The following FAM3D variants were observed in gnomAD, a reference collection of about 807,000 sequenced individuals.
FAM3D encodes the protein protein FAM3D.
In FAM3D, 26 loss-of-function variants were observed where a neutral mutation model predicts 29.8. That is an observed-to-expected ratio of 0.87 (90% CI 0.64 to 1.21). The LOEUF is 1.21. FAM3D is among the 50% of genes most tolerant of loss of function. The pLI is 0.00. For synonymous variants in FAM3D, 115 were observed against 102.3 expected (o/e 1.12, Z -0.75); for missense variants, 253 against 290.9 (o/e 0.87, Z 0.95).
chr3:58,641,352 G>A (rs2066327590), intron 6 of FAM3D, among the ~76,000 whole-genome samples: 2 of 152,050 alleles, frequency 1.3e-5, no homozygotes, highest in Non-Finnish European at 2.9e-5. Context: ...TGTGACCTTG[G>A]GCAAGTTGCT....
In FAM3D at chr3:58,634,521, C is replaced by A. The variant is rs1479308161; in HGVS notation, c.586-153G>T. 1.6e-6 allele frequency: 1 copy of A among 627,258 alleles called. No homozygotes were observed. Among genetic ancestry groups the A allele is most frequent in the African/African-American group, 1.9e-5 (1 of 53,262 alleles). The allele number at this position is 627,258 out of a possible 1,614,324, so 38.9% of individuals were successfully genotyped here. On this transcript the variant is annotated intron_variant, in intron 9 of 9. Coordinates refer to ENST00000358781, the MANE Select transcript of FAM3D (RefSeq NM_138805.3). This position sits in a 1 kb window ranked among gnomAD's most constrained non-coding sequence, Gnocchi z 4.6. ...GAAACTGAGGCTCAGAGAGGGGATG[C>A]AACTTGCTCAAGATCTCAGAGATGG...
intron 1 of FAM3D, among the ~76,000 whole-genome samples, chr3:58,659,142 CA>C (rs1158291614): frequency 6.6e-6 from 1 of 152,198 alleles, no homozygotes; most frequent in East Asian, 1.9e-4. Flanking sequence ...GGATGTTGGG[CA>C]GTGAGGCCAC....
chr3:58,642,501 G>C (rs1478084697), intron 6 of FAM3D, among the ~76,000 whole-genome samples: 4 of 152,146 alleles, frequency 2.6e-5, no homozygotes, highest in Non-Finnish European at 4.4e-5. Flanking sequence ...CTTTGTCCCA[G>C]AAGTGGCCCT....
chr3:58,641,134 T>C (rs2066318423), intron 6 of FAM3D, among the ~76,000 whole-genome samples: 1 of 152,232 alleles, frequency 6.6e-6, no homozygotes, highest in Non-Finnish European at 1.5e-5. Flanking sequence ...GCAATCCTTG[T>C]GTTGTTCTTG....
chr3:58,642,738 G>GC (rs973606839), intron 6 of FAM3D, among the ~76,000 whole-genome samples: 3 of 152,098 alleles, frequency 2.0e-5, no homozygotes, highest in African/African-American at 7.2e-5. Flanking sequence ...CCTGCCTCCA[G>GC]CCCCCCTACT....
Position 58,660,847 on chromosome 3 carries a change from A to G in FAM3D, c.-38-5246T>C, listed in dbSNP as rs565933444. ...ACTTGTTTAATCTTACAACAGCTCAATGAAGAAGTAAGGGAAACTGAGGCA... is the reference window on the plus strand; with the variant it reads ...ACTTGTTTAATCTTACAACAGCTCAGTGAAGAAGTAAGGGAAACTGAGGCA... On this transcript the variant is annotated intron_variant, in intron 1 of 9. Transcript: ENST00000358781. Among the ~76,000 whole-genome samples, 9 of 152,320 alleles carry G rather than the reference A, an allele frequency of 5.9e-5. No homozygotes were observed. The East Asian group carries it at 1.5e-3, about 26-fold the overall frequency.
At chr3:58,658,594 C>T (rs772425080) in intron 1 of FAM3D, among the ~76,000 whole-genome samples, 8 of 152,268 alleles carry the variant, frequency 5.3e-5, no homozygotes, top group Non-Finnish European at 8.8e-5. Context: ...GGGAAGCCTT[C>T]CCTGACTCTC....
chr3:58,634,579 G>T lies in FAM3D; in HGVS notation c.586-211C>A. On this transcript the variant is annotated intron_variant, in intron 9 of 9. Transcript: ENST00000358781. The surrounding 1 kb of genome is among the most constrained non-coding windows in gnomAD (Gnocchi z 4.6). ...GCCCAGTTAACTGCTCTCACGCCCT[G>T]AAGGGTAACCAGTTGTTGGAGAGAT... The T allele has an allele frequency of 1.9e-6, 1 of 518,052 alleles. No individual in the cohort carries two copies. Among genetic ancestry groups the T allele is most frequent in the Non-Finnish European group, 3.4e-6 (1 of 294,296 alleles). The allele number at this position is 518,052 out of a possible 1,614,324, so 32.1% of individuals were successfully genotyped here.
At chr3:58,644,223 A>G (rs1431212906) in intron 5 of FAM3D, among the ~76,000 whole-genome samples, 9 of 152,134 alleles carry the variant, frequency 5.9e-5, no homozygotes, top group African/African-American at 2.2e-4. Context: ...AGAGCATCCT[A>G]CGTCCCCAGC....
Position 58,636,370 on chromosome 3 carries a change from G to C in FAM3D, c.509C>G (p.Ala170Gly). 6.2e-7 allele frequency: 1 copy of C among 1,614,200 alleles called. No individual in the cohort carries two copies. The highest frequency in any genetic ancestry group is 8.5e-7 in the Non-Finnish European group (1 of 1,180,034). Residue 170 changes from alanine (A) to glycine (G), a missense_variant, in exon 9 of 10, where the codon GCA becomes GGA. Ala to Gly is a moderately conservative substitution (Grantham distance 60). Coordinates refer to ENST00000358781, the MANE Select transcript of FAM3D (RefSeq NM_138805.3). ...KLFSDLGSSY[A>G]KQLGFRDSWV... ...GCTGTCCCGGAAGCCCAGTTGTTTT[G>C]CGTAGGAACTCCCCAAGTCAGAGAA... is the stretch of plus-strand genomic sequence containing the variant.
chr3:58,652,771 ATCCC>A (rs2066677312), intron 3 of FAM3D, among the ~76,000 whole-genome samples: 1 of 150,040 alleles, frequency 6.7e-6, no homozygotes, highest in Non-Finnish European at 1.5e-5. Flanking sequence ...CCATCTACTC[ATCCC>A]TCCATCTACC....
chr3:58,640,119 G>A lies in FAM3D; in HGVS notation c.373+8C>T, dbSNP rs1246496787. 1.2e-6 allele frequency: 2 copies of A among 1,614,092 alleles called. No homozygotes were observed. Among genetic ancestry groups the A allele is most frequent in the Non-Finnish European group, 1.7e-6 (2 of 1,179,994 alleles). On this transcript the variant is annotated splice_region_variant and intron_variant, in intron 7 of 9. Coordinates refer to ENST00000358781, the MANE Select transcript of FAM3D (RefSeq NM_138805.3). Reference sequence around the variant, plus strand: ...GACTGTGACTTCAGTGTCAGCAGAGGCACCTACCTCCAGAGTACATGTCAA... The same window carrying A: ...GACTGTGACTTCAGTGTCAGCAGAGACACCTACCTCCAGAGTACATGTCAA...
rs2066131461 is a variant in FAM3D at position 58,635,296 on chromosome 3, A to AATC, written c.586-931_586-929dup. On this transcript the variant is annotated intron_variant, in intron 9 of 9. Coordinates refer to ENST00000358781, the MANE Select transcript of FAM3D (RefSeq NM_138805.3). The surrounding 1 kb of genome is among the most constrained non-coding windows in gnomAD (Gnocchi z 5.2). The stretch of plus-strand genomic sequence containing the variant: ...CGTAAATGGCAAAATCTGCTGTTGG[A>AATC]ATCATTGTGGCTGACTCTCAGGAAT... Among the ~76,000 whole-genome samples the AATC allele has an allele frequency of 6.6e-6, 1 of 152,208 alleles. No homozygotes were observed. Among genetic ancestry groups the AATC allele is most frequent in the African/African-American group, 2.4e-5 (1 of 41,452 alleles).
chr3:58,661,154 C>T (rs79847644), intron 1 of FAM3D, among the ~76,000 whole-genome samples: 13 of 152,082 alleles, frequency 8.5e-5, no homozygotes, highest in Non-Finnish European at 1.5e-4. Context: ...AACATGTGGC[C>T]GCTGCATTTG....
At chr3:58,639,459 C>T (rs975145715) in intron 7 of FAM3D, among the ~76,000 whole-genome samples, 20 of 152,218 alleles carry the variant, frequency 1.3e-4, no homozygotes, top group East Asian at 1.9e-4. Context: ...CCCCAGGCCA[C>T]GCTGAACATC....
chr3:58,643,666 C>T lies in FAM3D; in HGVS notation c.318G>A (p.Val106=), dbSNP rs773518724. The T allele has an allele frequency of 1.2e-6, 2 of 1,613,524 alleles. No homozygotes were observed. The highest frequency in any genetic ancestry group is 2.7e-5 in the African/African-American group (2 of 74,920). Residue 106 remains valine, a synonymous_variant, in exon 6 of 10, where the codon GTG becomes GTA. Transcript: ENST00000358781. ...NVGRGLNIAL[V]NGTTGAVLGQ... is the part of the protein sequence containing the mutation. ...GGGGATGGATATGCAACTCACCATT[C>T]ACCAGGGCGATGTTTAGGCCTCTGC...
At chr3:58,636,457 G>T (rs748399290) in intron 8 of FAM3D, 37 bp from the exon 9 acceptor site, 6 of 1,610,190 alleles carry the variant, frequency 3.7e-6, no homozygotes, top group East Asian at 2.2e-5. Context: ...GGATGCGGGG[G>T]TGGGTCGCAG....
rs188909396 is a variant in FAM3D, at chr3:58,659,629, G to C, written c.-38-4028C>G. Among the ~76,000 whole-genome samples the C allele has an allele frequency of 2.6e-4, 40 of 152,326 alleles. No individual in the cohort carries two copies. In the East Asian group the frequency reaches 7.5e-3, roughly 29 times the overall value. On this transcript the variant is annotated intron_variant, in intron 1 of 9. Coordinates refer to ENST00000358781, the MANE Select transcript of FAM3D (RefSeq NM_138805.3). ...ATTTTCAGGCCAGCTTCCCCTCCAG[G>C]GAGTGGCTCTCAAAGGCTTTCTTCG...
rs1164765863 is a variant in FAM3D at position 58,666,729 on chromosome 3, G to T, written c.-192C>A. The T allele has an allele frequency of 1.3e-5, 2 of 152,238 alleles. No homozygotes were observed. Among genetic ancestry groups the T allele is most frequent in the African/African-American group, 4.8e-5 (2 of 41,444 alleles). The allele number at this position is 152,238 out of a possible 1,614,324, so 9.4% of individuals were successfully genotyped here. On this transcript the variant is annotated 5_prime_UTR_variant, in exon 1 of 10. Transcript: ENST00000358781. ...CTGGAGGGGTAGTGGCCTCACAGAC[G>T]GCCCTCCTCTAGATGCAGTGGGCCC...
Sources: allele counts gnomAD v4.1 joint callset (sites outside exome capture counted in the v4.1 genomes callset), GRCh38; gene constraint gnomAD v4.1.1; non-coding constraint Gnocchi (gnomAD v3.1); transcripts MANE v1.5; gene names NCBI Gene and HGNC (gene_info 2026-07-23, HGNC 2026-07-21).